TUSC3: variants seen among roughly 807,000 people sequenced by gnomAD.
TUSC3 encodes tumor suppressor candidate 3.
Under a neutral mutation model 44.8 loss-of-function variants are expected in TUSC3, and 45 were observed. The ratio of observed to expected loss-of-function variants is 1.00; its 90% CI spans 0.79 to 1.29. TUSC3 has a LOEUF of 1.29. Ranked by LOEUF, TUSC3 falls within the 50% of genes most tolerant of loss-of-function variation. TUSC3 has a pLI of 0.00. For synonymous variants in TUSC3, 212 were observed against 152.9 expected (o/e 1.39, Z -2.85); for missense variants, 519 against 437.9 (o/e 1.19, Z -1.65).
At chr8:15,802,669 T>C in the TUSC3 span, among the ~76,000 whole-genome samples, 2 of 148,972 alleles carry the variant, frequency 1.3e-5, no homozygotes, top group African/African-American at 4.9e-5. Context: ...ATTAATTACT[T>C]TTTTTTTTTT....
At chr8:15,514,784 G>C (rs2129128568) in intron 2 of TUSC3, among the ~76,000 whole-genome samples, 1 of 152,284 alleles carries the variant, frequency 6.6e-6, no homozygotes, top group South Asian at 2.1e-4. Flanking sequence ...GAATTAGTCT[G>C]TGGCATCAGG....
At chr8:15,592,981 T>C (rs905765310) in intron 1 of TUSC3, among the ~76,000 whole-genome samples, 1 of 152,230 alleles carries the variant, frequency 6.6e-6, no homozygotes, top group Non-Finnish European at 1.5e-5. Flanking sequence ...TTATGAATTT[T>C]GAGTGTGAGG....
chr8:15,440,788 C>T (rs1380272573), intron 1 of TUSC3, among the ~76,000 whole-genome samples: 1 of 152,176 alleles, frequency 6.6e-6, no homozygotes, highest in Non-Finnish European at 1.5e-5. Context: ...TGTTCAGGAA[C>T]TACTGGGAAG....
chr8:15,618,649 CAAAT>C (rs1211575072), intron 1 of TUSC3, among the ~76,000 whole-genome samples: 3 of 152,128 alleles, frequency 2.0e-5, no homozygotes, highest in African/African-American at 7.2e-5. Context: ...CTTTAGAAAA[CAAAT>C]AAGCAGAAGG....
intron 2 of TUSC3, among the ~76,000 whole-genome samples, chr8:15,491,282 T>A (rs1027234237): frequency 1.3e-5 from 2 of 152,160 alleles, no homozygotes; most frequent in African/African-American, 4.8e-5. Flanking sequence ...TAGAACTGTG[T>A]GTTAGGGTAA....
intron 9 of TUSC3, among the ~76,000 whole-genome samples, chr8:15,757,461 A>T (rs1437739447): frequency 6.6e-6 from 1 of 152,224 alleles, no homozygotes; most frequent in Non-Finnish European, 1.5e-5. Flanking sequence ...TGATTTGTAC[A>T]TCTTAACAAC....
At chr8:15,547,465 C>T (rs1266591788) in intron 1 of TUSC3, among the ~76,000 whole-genome samples, 1 of 151,376 alleles carries the variant, frequency 6.6e-6, no homozygotes, top group Non-Finnish European at 1.5e-5. Flanking sequence ...AATGAAATAC[C>T]TTAGTATAAC....
At chr8:15,777,288 G>C in the TUSC3 span, among the ~76,000 whole-genome samples, 1 of 152,130 alleles carries the variant, frequency 6.6e-6, no homozygotes, top group Non-Finnish European at 1.5e-5. Context: ...GGAGCTGGGA[G>C]GGGTTACCAA....
chr8:15,517,522 C>CAAAAAAAAAAAAAAAAAAAA (rs71211049), intron 2 of TUSC3, among the ~76,000 whole-genome samples: 1 of 77,574 alleles, frequency 1.3e-5, no homozygotes, highest in African/African-American at 8.2e-5. Flanking sequence ...TAGCGTGAGG[C>CAAAAAAAAAAAAAAAAAAAA]AAAAAAAAAA....
At chr8:15,806,303 G>C in the TUSC3 span, 4 of 692,574 alleles carry the variant, frequency 5.8e-6, no homozygotes, top group South Asian at 5.6e-5. Context: ...ACACCACATG[G>C]ACTAAGTCAG....
At chr8:15,777,615 G>T in the TUSC3 span, among the ~76,000 whole-genome samples, 1 of 151,978 alleles carries the variant, frequency 6.6e-6, no homozygotes, top group Non-Finnish European at 1.5e-5. Context: ...TTTACTTTTT[G>T]AAATTTTTGC....
chr8:15,833,043 G>A, the TUSC3 span, among the ~76,000 whole-genome samples: 2 of 151,986 alleles, frequency 1.3e-5, no homozygotes, highest in African/African-American at 2.4e-5. Context: ...AAAAAAACAG[G>A]GAATGGACAT....
chr8:15,503,326 C>A lies in TUSC3; in HGVS notation n.189+19843C>A, dbSNP rs549801060. 7.2e-5 allele frequency among the ~76,000 whole-genome samples: 11 copies of A among 152,258 alleles called. No individual in the cohort carries two copies. The East Asian group carries it at 2.1e-3, about 30-fold the overall frequency. On this transcript the variant is annotated intron_variant and non_coding_transcript_variant, in intron 2 of 5. Coordinates refer to the TUSC3 transcript ENST00000503191. Reference sequence around the variant, plus strand: ...GCCTCCTGTATCTTAGACTTGTAGGCTTCAGAACTGTGAGAAAATAAATTC... The same window carrying A: ...GCCTCCTGTATCTTAGACTTGTAGGATTCAGAACTGTGAGAAAATAAATTC...
chr8:15,656,329 C>T (rs566324601), intron 3 of TUSC3, among the ~76,000 whole-genome samples: 22 of 152,162 alleles, frequency 1.4e-4, no homozygotes, highest in African/African-American at 3.9e-4. Flanking sequence ...GAGGCAAATT[C>T]CCCTCCAGCT....
chr8:15,678,175 C>T (rs548922619), intron 6 of TUSC3, among the ~76,000 whole-genome samples: 72 of 152,226 alleles, frequency 4.7e-4, no homozygotes, highest in African/African-American at 7.2e-4. Flanking sequence ...GGTATATATA[C>T]GCCAGATCTC....
chr8:15,418,355 T>A (rs1434060085), intron 1 of TUSC3, among the ~76,000 whole-genome samples: 1 of 152,218 alleles, frequency 6.6e-6, no homozygotes, highest in Non-Finnish European at 1.5e-5. Flanking sequence ...ATGACGCATT[T>A]TTTTTCAAAC....
chr8:15,426,444 C>T (rs371138193), intron 1 of TUSC3, among the ~76,000 whole-genome samples: 3 of 152,178 alleles, frequency 2.0e-5, no homozygotes, highest in African/African-American at 4.8e-5. Flanking sequence ...GTATTCTTTG[C>T]TTCCATGAGT....
chr8:15,562,081 A>T (rs968768726), intron 1 of TUSC3, among the ~76,000 whole-genome samples: 1 of 152,158 alleles, frequency 6.6e-6, no homozygotes, highest in African/African-American at 2.4e-5. Flanking sequence ...AAATGGAAAA[A>T]CAGCAGCAGT....
chr8:15,836,885 A>G, the TUSC3 span, among the ~76,000 whole-genome samples: 3 of 152,106 alleles, frequency 2.0e-5, no homozygotes, highest in East Asian at 1.9e-4. Flanking sequence ...TTTTTGGGCT[A>G]TATCATTTCT....
Sources: gnomAD v4.1 joint callset for allele counts (sites outside exome capture counted in the v4.1 genomes callset) on GRCh38, gnomAD v4.1.1 for gene constraint, MANE v1.5 for transcripts, NCBI Gene and HGNC (gene_info 2026-07-23, HGNC 2026-07-21) for gene names.